The following FAM13C variants were observed in gnomAD, a reference collection of about 807,000 sequenced individuals.
The protein encoded by FAM13C is protein FAM13C.
FAM13C carries 37 observed loss-of-function variants against 73.2 expected under a neutral mutation model. The observed-to-expected ratio is 0.51, with a 90% CI of 0.39 to 0.67. The LOEUF (loss-of-function observed/expected upper bound fraction) is 0.67, where lower values mean the gene tolerates loss of function less well. Ranked by LOEUF, FAM13C falls within the 30% of genes least tolerant of loss-of-function variation. FAM13C has a pLI of 0.00. For missense variants in FAM13C, 589 were observed against 715.6 expected, an observed-to-expected ratio of 0.82 and a Z score of 2.02; for synonymous variants, 246 against 260.9, an observed-to-expected ratio of 0.94 and a Z score of 0.55.
At chr10:59,265,134 G>A (rs1482936744) in intron 8 of FAM13C, among the ~76,000 whole-genome samples, 1 of 151,984 alleles carries the variant, frequency 6.6e-6, no homozygotes, top group African/African-American at 2.4e-5. Context: ...ATCATCACGT[G>A]TACATGAGTT....
At chr10:59,326,970 T>A (rs995296669) in intron 3 of FAM13C, among the ~76,000 whole-genome samples, 6 of 152,316 alleles carry the variant, frequency 3.9e-5, no homozygotes, top group Middle Eastern at 3.4e-3. Flanking sequence ...TTATAAACCA[T>A]CATTGGTTTG....
intron 4 of FAM13C, 143 bp downstream of exon 4, chr10:59,323,845 G>A (rs987985474): frequency 4.0e-6 from 3 of 743,410 alleles, no homozygotes; most frequent in Non-Finnish European, 7.3e-6. Flanking sequence ...CCTCTTCTAG[G>A]CCCCTTTAAG....
chr10:59,272,292 T>TA (rs1453563837), intron 6 of FAM13C, among the ~76,000 whole-genome samples: 3 of 152,192 alleles, frequency 2.0e-5, no homozygotes, highest in African/African-American at 7.2e-5. Context: ...GCAACACCAG[T>TA]CAAAAACTGG....
At chr10:59,264,219 TGGGG>T in intron 8 of FAM13C, 53 bp from the exon 9 acceptor site, 1 of 673,032 alleles carries the variant, frequency 1.5e-6, no homozygotes, top group African/African-American at 2.2e-5. Context: ...AGGGAGAGGG[TGGGG>T]GAGAAAAAGA....
chr10:59,337,387 T>C (rs986765713), intron 3 of FAM13C, among the ~76,000 whole-genome samples: 3 of 152,346 alleles, frequency 2.0e-5, no homozygotes, highest in Admixed American at 6.5e-5. Flanking sequence ...AGTGAGAATG[T>C]TGCTGACTGG....
intron 3 of FAM13C, among the ~76,000 whole-genome samples, chr10:59,343,715 T>C (rs964477184): frequency 6.6e-6 from 1 of 152,178 alleles, no homozygotes; most frequent in Non-Finnish European, 1.5e-5. Flanking sequence ...ACTACAACTG[T>C]TTCATTTACT....
chr10:59,249,108 A>G (rs1363923387), intron 13 of FAM13C, among the ~76,000 whole-genome samples: 1 of 152,192 alleles, frequency 6.6e-6, no homozygotes, highest in Non-Finnish European at 1.5e-5. Flanking sequence ...ATTTTGGCTA[A>G]TAAGAGTGCT....
intron 4 of FAM13C, among the ~76,000 whole-genome samples, chr10:59,309,344 G>A (rs536188440): frequency 2.2e-4 from 33 of 152,032 alleles, no homozygotes; most frequent in African/African-American, 6.8e-4. Context: ...TCAGGCCACC[G>A]TTCACACAAG....
intron 3 of FAM13C, chr10:59,327,480 G>A (rs1055862400): frequency 1.3e-5 from 2 of 152,064 alleles, no homozygotes; most frequent in African/African-American, 2.4e-5. Context: ...TCCACCACCT[G>A]GTGAAGGTTA....
intron 6 of FAM13C, 175 bp from the exon 7 acceptor site, chr10:59,270,284 G>T: frequency 1.6e-6 from 1 of 643,296 alleles, no homozygotes; most frequent in Non-Finnish European, 2.6e-6. Context: ...CACAGAACCT[G>T]GACAGAAAAT....
chr10:59,311,261 A>G (rs1009835520), intron 4 of FAM13C, among the ~76,000 whole-genome samples: 2 of 152,190 alleles, frequency 1.3e-5, no homozygotes, highest in Non-Finnish European at 2.9e-5. Context: ...GAATTGGCAG[A>G]GTGGAGGTAA....
chr10:59,288,191 G>T (rs1384617771), intron 5 of FAM13C, among the ~76,000 whole-genome samples: 2 of 152,174 alleles, frequency 1.3e-5, no homozygotes, highest in Non-Finnish European at 2.9e-5. Context: ...CCCAGTTATG[G>T]CTAGAACTAT....
upstream of FAM13C, chr10:59,362,633 C>G: frequency 7.1e-7 from 1 of 1,413,516 alleles, no homozygotes; most frequent in Middle Eastern, 2.6e-4. Flanking sequence ...CCCAGCGGCA[C>G]GGGCGAACCA....
intron 13 of FAM13C, 61 bp downstream of exon 13, chr10:59,251,514 C>G (rs1564472990): frequency 2.8e-6 from 4 of 1,454,178 alleles, no homozygotes; most frequent in South Asian, 2.3e-5. Flanking sequence ...AATTGCAGCT[C>G]ATTTTTAACA....
chr10:59,301,276 A>C (rs1847572297), intron 5 of FAM13C: 1 of 152,234 alleles, frequency 6.6e-6, no homozygotes, highest in African/African-American at 2.4e-5. Context: ...CTGTCAGCAC[A>C]TACTGTATTC....
intron 9 of FAM13C, among the ~76,000 whole-genome samples, chr10:59,263,630 A>G (rs887686421): frequency 1.3e-5 from 2 of 152,212 alleles, no homozygotes; most frequent in East Asian, 3.8e-4. Flanking sequence ...AAAAAGAAGG[A>G]CACTAGCCCA....
chr10:59,311,488 A>G (rs1848913572), intron 4 of FAM13C, among the ~76,000 whole-genome samples: 1 of 152,160 alleles, frequency 6.6e-6, no homozygotes, highest in South Asian at 2.1e-4. Context: ...CTTAGTAAAT[A>G]CATTCCATAC....
chr10:59,335,156 T>C (rs1852553389), intron 3 of FAM13C, among the ~76,000 whole-genome samples: 1 of 152,232 alleles, frequency 6.6e-6, no homozygotes, highest in Admixed American at 6.5e-5. Context: ...GGGCTGTTTA[T>C]TGCTAAGTCT....
chr10:59,323,671 A>G (rs112035124), intron 4 of FAM13C, among the ~76,000 whole-genome samples: 3 of 152,294 alleles, frequency 2.0e-5, no homozygotes, highest in African/African-American at 7.2e-5. Flanking sequence ...GGAAAATCTA[A>G]TTCCCTCTAG....
Sources: allele counts gnomAD v4.1 joint callset (sites outside exome capture counted in the v4.1 genomes callset), GRCh38; gene constraint gnomAD v4.1.1; transcripts MANE v1.5; gene names NCBI Gene and HGNC (gene_info 2026-07-23, HGNC 2026-07-21).